METTL15: variants seen among roughly 807,000 people sequenced by gnomAD.
The protein encoded by METTL15 is 12S rRNA N(4)-cytidine methyltransferase METTL15.
In METTL15, 34 loss-of-function variants were observed where a neutral mutation model predicts 38.3. The ratio of observed to expected loss-of-function variants is 0.89; its 90% confidence interval spans 0.68 to 1.18. METTL15 has a LOEUF of 1.18. Ranked by LOEUF, METTL15 falls within the 50% of genes most tolerant of loss-of-function variation. The pLI is 0.00. For synonymous variants in METTL15, 162 were observed against 170.9 expected, an observed-to-expected ratio of 0.95 and a Z score of 0.41; for missense variants, 438 against 498.4, an observed-to-expected ratio of 0.88 and a Z score of 1.15.
chr11:28,129,769 CAT>C (rs1852676535), intron 3 of METTL15, among the ~76,000 whole-genome samples: 1 of 152,052 alleles, frequency 6.6e-6, no homozygotes, highest in Non-Finnish European at 1.5e-5. Flanking sequence ...ATTCAATAAA[CAT>C]GTATTAATTT....
intron 4 of METTL15, among the ~76,000 whole-genome samples, chr11:28,275,593 A>T (rs887608547): frequency 7.3e-5 from 11 of 151,484 alleles, no homozygotes; most frequent in Non-Finnish European, 1.6e-4. Flanking sequence ...CTCCCTAACT[A>T]ATCCTACAAG....
At chr11:28,425,184 G>T (rs1590369691) in intron 6 of METTL15, among the ~76,000 whole-genome samples, 1 of 152,150 alleles carries the variant, frequency 6.6e-6, no homozygotes, top group African/African-American at 2.4e-5. Flanking sequence ...GAAAGAGCAA[G>T]AATTGGTTTT....
chr11:28,136,381 G>A (rs918224772), intron 3 of METTL15, among the ~76,000 whole-genome samples: 37 of 152,130 alleles, frequency 2.4e-4, no homozygotes, highest in African/African-American at 8.9e-4. Context: ...TTGCTGCCAT[G>A]TAAGATGTGC....
chr11:28,211,236 C>A, intron 4 of METTL15, 38 bp downstream of exon 4: 1 of 1,577,880 alleles, frequency 6.3e-7, no homozygotes, highest in Non-Finnish European at 8.6e-7. Context: ...GATTTTGGTT[C>A]TTAGTTTTAC....
chr11:28,303,094 G>A (rs1856966031), intron 6 of METTL15, among the ~76,000 whole-genome samples: 1 of 152,128 alleles, frequency 6.6e-6, no homozygotes, highest in African/African-American at 2.4e-5. Flanking sequence ...TCCTCAAGAG[G>A]CTGGCTGCCC....
At chr11:28,348,662 T>C (rs1349566264) in intron 3 of METTL15, among the ~76,000 whole-genome samples, 1 of 151,474 alleles carries the variant, frequency 6.6e-6, no homozygotes, top group Non-Finnish European at 1.5e-5. Flanking sequence ...GAGCCACCAC[T>C]GAACTTTGTC....
chr11:28,278,418 A>G (rs1226307643), intron 4 of METTL15, among the ~76,000 whole-genome samples: 2 of 152,218 alleles, frequency 1.3e-5, no homozygotes, highest in Non-Finnish European at 2.9e-5. Context: ...CTGTTTTATA[A>G]TATTAAAGTA....
intron 6 of METTL15, among the ~76,000 whole-genome samples, chr11:28,512,558 C>T (rs930860053): frequency 2.0e-5 from 3 of 152,232 alleles, no homozygotes; most frequent in East Asian, 1.9e-4. Context: ...GTACACCCTC[C>T]GAGGCAGCTG....
chr11:28,373,328 T>C (rs1402558267), intron 5 of METTL15, among the ~76,000 whole-genome samples: 1 of 152,136 alleles, frequency 6.6e-6, no homozygotes, highest in East Asian at 1.9e-4. Context: ...TGGTGTGAGA[T>C]GGTATCTCAT....
At chr11:28,358,559 G>C (rs1011855472) in intron 4 of METTL15, among the ~76,000 whole-genome samples, 79 of 152,284 alleles carry the variant, frequency 5.2e-4, no homozygotes, top group African/African-American at 1.8e-3. Flanking sequence ...CAGAGATCAG[G>C]ATTTTGAAAC....
At chr11:28,506,433 A>AT (rs1439647608) in intron 6 of METTL15, among the ~76,000 whole-genome samples, 1 of 152,084 alleles carries the variant, frequency 6.6e-6, no homozygotes, top group African/African-American at 2.4e-5. Flanking sequence ...AATAATACCT[A>AT]TTTTTTCAAA....
intron 3 of METTL15, among the ~76,000 whole-genome samples, chr11:28,115,373 C>G (rs545488669): frequency 6.6e-5 from 10 of 152,060 alleles, no homozygotes; most frequent in Admixed American, 5.9e-4. Context: ...ATTCTCCTGC[C>G]TCAGCCTCCC....
intron 6 of METTL15, among the ~76,000 whole-genome samples, chr11:28,316,333 C>G (rs922219633): frequency 6.6e-6 from 1 of 152,136 alleles, no homozygotes; most frequent in East Asian, 1.9e-4. Flanking sequence ...TACTGGATTT[C>G]GGATTTTCAT....
chr11:28,332,241 G>C lies in METTL15; in HGVS notation c.*1400G>C, dbSNP rs1270874842. 5 of 152,150 alleles carry C rather than the reference G, an allele frequency of 3.3e-5. No individual in the cohort carries two copies. Among genetic ancestry groups the C allele is most frequent in the African/African-American group, 1.2e-4 (5 of 41,436 alleles). The allele number at this position is 152,150 out of a possible 1,614,324, so 9.4% of individuals were successfully genotyped here. The stretch of plus-strand genomic sequence containing the variant: ...ATCAGAATTAGGAAAAAAATCTGGA[G>C]AACAATATGGTTGAAATAGAAACAA... On this transcript the variant is annotated 3_prime_UTR_variant, in exon 7 of 7. Transcript: ENST00000407364.
At chr11:28,304,715 C>A (rs115396220) in intron 6 of METTL15, among the ~76,000 whole-genome samples, 3,337 of 151,502 alleles carry the variant, frequency 0.022, 114 homozygotes, top group African/African-American at 0.075. Context: ...AACTCTGTCT[C>A]AAAAATAATA....
chr11:28,113,810 C>G (rs1851826923), intron 3 of METTL15, among the ~76,000 whole-genome samples: 2 of 151,978 alleles, frequency 1.3e-5, no homozygotes, highest in African/African-American at 4.8e-5. Flanking sequence ...ACTTTCAGGA[C>G]AATATTCATA....
chr11:28,204,567 C>G (rs773808522), intron 3 of METTL15, among the ~76,000 whole-genome samples: 3 of 144,854 alleles, frequency 2.1e-5, no homozygotes, highest in Non-Finnish European at 3.0e-5. Context: ...TAAGCAGATA[C>G]AGACTTCATG....
At chr11:28,125,169 T>G (rs777974479) in intron 3 of METTL15, among the ~76,000 whole-genome samples, 6 of 152,072 alleles carry the variant, frequency 3.9e-5, no homozygotes, top group Non-Finnish European at 8.8e-5. Context: ...CCATCCAGAT[T>G]TTTCTAAAGT....
intron 4 of METTL15, among the ~76,000 whole-genome samples, chr11:28,231,731 T>A (rs556845424): frequency 2.6e-5 from 4 of 151,886 alleles, no homozygotes; most frequent in Non-Finnish European, 5.9e-5. Context: ...CACTTATGTT[T>A]CAAGACTTAG....
Sources: allele counts gnomAD v4.1 joint callset (sites outside exome capture counted in the v4.1 genomes callset), GRCh38; gene constraint gnomAD v4.1.1; transcripts MANE v1.5; gene names NCBI Gene and HGNC (gene_info 2026-07-23, HGNC 2026-07-21).